The following ANKRD36C variants were observed in gnomAD, a reference collection of about 807,000 sequenced individuals.
ANKRD36C encodes the protein ankyrin repeat domain 36C.
In ANKRD36C, 61 loss-of-function variants were observed where a neutral mutation model predicts 276.4. The ratio of observed to expected loss-of-function variants is 0.22; its 90% CI spans 0.18 to 0.27. The LOEUF (loss-of-function observed/expected upper bound fraction) is 0.27. Ranked by LOEUF, ANKRD36C falls within the 10% of genes least tolerant of loss-of-function variation. The probability of loss-of-function intolerance (pLI) is 1.00; values close to 1 mark genes in which losing one functional copy is unlikely to be tolerated. For missense variants in ANKRD36C, 1,447 were observed against 2,032.3 expected (o/e 0.71, Z 5.54); for synonymous variants, 483 against 680.1 (o/e 0.71, Z 4.51).
At chr2:95,891,381 A>G (rs1294080426) in intron 46 of ANKRD36C, among the ~76,000 whole-genome samples, 2 of 151,402 alleles carry the variant, frequency 1.3e-5, no homozygotes, top group Non-Finnish European at 3.0e-5. Context: ...AAGCTGGAGA[A>G]TTAAAGCAAA....
At chr2:95,912,197 T>G in intron 42 of ANKRD36C, 47 bp downstream of exon 44, 1 of 1,540,668 alleles carries the variant, frequency 6.5e-7, no homozygotes, top group South Asian at 1.2e-5. Flanking sequence ...GGAAGAGAAC[T>G]TCTTATCTGG....
exon 50 of ANKRD36C, chr2:95,887,948 T>C (rs1232961805): frequency 1.3e-6 from 2 of 1,597,558 alleles, no homozygotes; most frequent in Non-Finnish European, 1.7e-6. Flanking sequence ...TTGTCCATCC[T>C]TTATTTCTGT....
At chr2:95,872,716 A>T (rs1203233661) in intron 59 of ANKRD36C, among the ~76,000 whole-genome samples, 4 of 152,114 alleles carry the variant, frequency 2.6e-5, no homozygotes, top group African/African-American at 9.7e-5. Context: ...CAAAAAATTA[A>T]TGAATCCAGG....
exon 52 of ANKRD36C, chr2:95,886,111 C>T: frequency 6.2e-7 from 1 of 1,609,794 alleles, no homozygotes; most frequent in African/African-American, 1.3e-5. Context: ...TCTTTCTTGA[C>T]ACTTGTAGCC....
At chr2:95,895,672 C>T (rs1676517348) in intron 44 of ANKRD36C, 82 bp from the exon 61 acceptor site, 3 of 1,554,506 alleles carry the variant, frequency 1.9e-6, no homozygotes, top group East Asian at 4.8e-5. Flanking sequence ...TTAGCATCAA[C>T]CTCTGTCCTC....
chr2:95,880,374 C>T (rs1444192414), intron 58 of ANKRD36C, 53 bp downstream of exon 78: 1 of 1,283,996 alleles, frequency 7.8e-7, no homozygotes, highest in African/African-American at 1.5e-5. Flanking sequence ...ATGAGCATTA[C>T]AAACAGATTA....
intron 6 of ANKRD36C, among the ~76,000 whole-genome samples, chr2:95,965,147 A>G (rs1263381667): frequency 6.6e-6 from 1 of 152,078 alleles, no homozygotes; most frequent in Non-Finnish European, 1.5e-5. Context: ...GCAAATAAAT[A>G]TGGAACAGAA....
chr2:95,959,030 G>T (rs3098464), intron 10 of ANKRD36C, among the ~76,000 whole-genome samples: 3 of 151,974 alleles, frequency 2.0e-5, no homozygotes, highest in Non-Finnish European at 2.9e-5. Flanking sequence ...GTCTATTACT[G>T]CAATAAAACA....
At chr2:95,908,289 A>G (rs1338727817) in intron 42 of ANKRD36C, among the ~76,000 whole-genome samples, 6 of 150,414 alleles carry the variant, frequency 4.0e-5, no homozygotes, top group African/African-American at 1.5e-4. Context: ...CTTCTTCCCA[A>G]TTTCAATATG....
rs1190458305 is a variant in ANKRD36C, at chr2:95,908,412, C to G, written c.2653+3832G>C. On this transcript the variant is annotated intron_variant, in intron 42 of 66. Coordinates refer to ENST00000456556, the Ensembl canonical transcript of ANKRD36C. The stretch of plus-strand genomic sequence containing the variant: ...AGGACTGCTGAATCAGAATGTGCAG[C>G]TTCAACGAGCCCCCCGCTGATTTAT... 4.1e-6 allele frequency: 5 copies of G among 1,233,212 alleles called. No individual in the cohort carries two copies. In the African/African-American group the frequency reaches 6.1e-5, roughly 15 times the overall value. 76.4% of individuals were successfully genotyped at this position (1,233,212 alleles called of 1,614,324 possible). A position where few individuals can be genotyped will look rare whatever the true frequency, so the allele number is the denominator to read the frequency against.
intron 44 of ANKRD36C, among the ~76,000 whole-genome samples, chr2:95,895,949 G>A (rs1344078879): frequency 6.7e-6 from 1 of 150,216 alleles, no homozygotes; most frequent in Non-Finnish European, 1.5e-5. Context: ...GGTGCTACAT[G>A]ATCCCACATG....
intron 30 of ANKRD36C, among the ~76,000 whole-genome samples, chr2:95,924,710 T>C (rs997995438): frequency 6.6e-5 from 10 of 151,614 alleles, no homozygotes; most frequent in African/African-American, 2.4e-4. Context: ...GGCACTGTGG[T>C]TTATCCCAAC....
At chr2:95,876,721 G>A (rs989814893) in intron 58 of ANKRD36C, among the ~76,000 whole-genome samples, 3 of 144,068 alleles carry the variant, frequency 2.1e-5, no homozygotes, top group African/African-American at 5.0e-5. Context: ...GCGTGGTGGT[G>A]GGCGCCTGTA....
chr2:95,912,683 A>G (rs1192995609), intron 40 of ANKRD36C, among the ~76,000 whole-genome samples: 2 of 151,468 alleles, frequency 1.3e-5, no homozygotes, highest in Non-Finnish European at 3.0e-5. Context: ...AACCCAAAAT[A>G]AAACCGTGTC....
chr2:95,976,022 GA>G (rs573314448), intron 6 of ANKRD36C, among the ~76,000 whole-genome samples: 263 of 152,236 alleles, frequency 1.7e-3, no homozygotes, highest in African/African-American at 6.2e-3. Flanking sequence ...AAAAACACAT[GA>G]AAAAATGCTC....
chr2:95,991,477 C>T, intron 1 of ANKRD36C, 35 bp downstream of exon 1: 1 of 1,558,936 alleles, frequency 6.4e-7, no homozygotes, highest in South Asian at 1.2e-5. Flanking sequence ...ATCCACAGGC[C>T]TCCTCCCGCA....
Position 95,914,205 on chromosome 2 carries a change from A to C in ANKRD36C, c.2479-25T>G, listed in dbSNP as rs769754989. 18 of 1,571,166 alleles carry C rather than the reference A, an allele frequency of 1.1e-5. No homozygotes were observed. The Admixed American group carries it at 1.3e-4, about 11-fold the overall frequency. ...CCTGAATGGAATTTGAAATGAAATA[A>C]TAAGTTAATAAAGTATGTTTCATAG... On this transcript the variant is annotated intron_variant, in intron 39 of 66. Coordinates refer to ENST00000456556, the Ensembl canonical transcript of ANKRD36C.
At chr2:95,955,203 A>G (rs2918870) in intron 13 of ANKRD36C, among the ~76,000 whole-genome samples, 1 of 152,382 alleles carries the variant, frequency 6.6e-6, no homozygotes, top group South Asian at 2.1e-4. Flanking sequence ...CCAGCTCCCT[A>G]GTTCTTGAGG....
chr2:95,879,161 CAGG>C (rs1418315478), intron 58 of ANKRD36C, among the ~76,000 whole-genome samples: 1 of 152,036 alleles, frequency 6.6e-6, no homozygotes, highest in Non-Finnish European at 1.5e-5. Flanking sequence ...ATGGATGGAA[CAGG>C]AGGACATTAT....
Sources: allele counts gnomAD v4.1 joint callset (sites outside exome capture counted in the v4.1 genomes callset), GRCh38; gene constraint gnomAD v4.1.1; transcripts MANE v1.5; gene names NCBI Gene and HGNC (gene_info 2026-07-23, HGNC 2026-07-21).